Variants in MPP7 observed in about 807,000 individuals in gnomAD.
MPP7 encodes MAGUK p55 scaffold protein 7.
MPP7 carries 60 observed loss-of-function variants against 76.5 expected under a neutral mutation model. That is an observed-to-expected ratio of 0.78 (90% CI 0.64 to 0.97). MPP7 has a LOEUF of 0.97. MPP7 is among the 50% of genes least tolerant of loss of function. The probability of loss-of-function intolerance (pLI) is 0.00; values close to 1 mark genes in which losing one functional copy is unlikely to be tolerated. For synonymous variants in MPP7, 237 were observed against 244.5 expected, an observed-to-expected ratio of 0.97 and a Z score of 0.29; for missense variants, 641 against 694.0, an observed-to-expected ratio of 0.92 and a Z score of 0.86.
chr10:28,134,722 T>C lies in MPP7; in HGVS notation c.316-3031A>G, dbSNP rs571506664. Among the ~76,000 whole-genome samples, 5 of 152,148 alleles carry C rather than the reference T, an allele frequency of 3.3e-5. No homozygotes were observed. In the South Asian group the frequency reaches 8.3e-4, roughly 25 times the overall value. On this transcript the variant is annotated intron_variant, in intron 5 of 16. Coordinates refer to ENST00000683449, the MANE Select transcript of MPP7 (RefSeq NM_001318170.2). ...ACAAGGAAAGATAAAAAGAAACCTA[T>C]GCTTAATACATCACAGCAGAAATAC... is the stretch of plus-strand genomic sequence containing the variant.
intron 5 of MPP7, among the ~76,000 whole-genome samples, chr10:28,142,937 T>C (rs1357990549): frequency 6.6e-6 from 1 of 152,180 alleles, no homozygotes. Flanking sequence ...CTAATTAAAG[T>C]ATATTTTGAC....
intron 8 of MPP7, among the ~76,000 whole-genome samples, chr10:28,121,411 G>GA (rs1157262559): frequency 7.5e-5 from 11 of 145,890 alleles, no homozygotes; most frequent in East Asian, 2.0e-4. Context: ...ATGCCCATCA[G>GA]AAAAAAAAAA....
At chr10:28,244,192 A>G (rs1283062221) in intron 1 of MPP7, among the ~76,000 whole-genome samples, 1 of 152,192 alleles carries the variant, frequency 6.6e-6, no homozygotes, top group African/African-American at 2.4e-5. Context: ...ATATCCTTAC[A>G]TCCTATCTGC....
chr10:28,082,768 CTCTT>C (rs1407097121), intron 12 of MPP7, among the ~76,000 whole-genome samples: 2 of 152,080 alleles, frequency 1.3e-5, no homozygotes, highest in Non-Finnish European at 2.9e-5. Flanking sequence ...TGCGCTCAGT[CTCTT>C]TTTTTATTTT....
intron 2 of MPP7, among the ~76,000 whole-genome samples, chr10:28,312,226 AT>A (rs1463617262): frequency 6.6e-6 from 1 of 152,072 alleles, no homozygotes; most frequent in Non-Finnish European, 1.5e-5. Flanking sequence ...TTTCTGTCCT[AT>A]CAGAGTGCCC....
intron 3 of MPP7, among the ~76,000 whole-genome samples, chr10:28,164,839 A>G (rs1836392647): frequency 6.6e-6 from 1 of 152,164 alleles, no homozygotes; most frequent in Non-Finnish European, 1.5e-5. Flanking sequence ...AGAATAAGAA[A>G]TTACTTAATG....
At chr10:28,106,465 T>C (rs1042732013) in intron 11 of MPP7, among the ~76,000 whole-genome samples, 1 of 152,220 alleles carries the variant, frequency 6.6e-6, no homozygotes, top group East Asian at 1.9e-4. Flanking sequence ...GTTGATTATA[T>C]TGGGGGCTGT....
rs75543027 is a variant in MPP7 at position 28,316,815 on chromosome 10, G to A, written c.-132+13114C>T. Among the ~76,000 whole-genome samples the A allele has an allele frequency of 6.2e-4, 95 of 152,230 alleles. 3 individuals are homozygous for A. In the East Asian group the frequency reaches 9.8e-3, roughly 16 times the overall value. On this transcript the variant is annotated intron_variant, in intron 2 of 11. Transcript: ENST00000441595. Reference sequence around the variant, plus strand: ...TTTCAGCAGCTCTTTCCTGTACGGCGCTCGCTGCCTTTAACGTGACTCAGC... The same window carrying A: ...TTTCAGCAGCTCTTTCCTGTACGGCACTCGCTGCCTTTAACGTGACTCAGC...
intron 2 of MPP7, among the ~76,000 whole-genome samples, chr10:28,221,951 T>C (rs1227959914): frequency 6.6e-6 from 1 of 152,220 alleles, no homozygotes; most frequent in African/African-American, 2.4e-5. Flanking sequence ...AATCATCTTC[T>C]AGATATGATC....
chr10:28,080,998 T>C (rs559014879), intron 12 of MPP7, among the ~76,000 whole-genome samples: 2 of 152,344 alleles, frequency 1.3e-5, no homozygotes, highest in South Asian at 2.1e-4. Flanking sequence ...GCCACAGTTT[T>C]ATGAAAAAAT....
At chr10:28,240,186 A>T (rs1306070324) in intron 1 of MPP7, among the ~76,000 whole-genome samples, 2 of 152,170 alleles carry the variant, frequency 1.3e-5, no homozygotes, top group East Asian at 3.8e-4. Flanking sequence ...CTATAAAGCA[A>T]ATTCAGTAAT....
At chr10:28,126,626 A>G (rs577863693) in intron 6 of MPP7, among the ~76,000 whole-genome samples, 4 of 152,360 alleles carry the variant, frequency 2.6e-5, no homozygotes, top group African/African-American at 4.8e-5. Context: ...CCTTTCGTTC[A>G]TAAGTTCATT....
intron 3 of MPP7, among the ~76,000 whole-genome samples, chr10:28,186,621 T>C (rs1837246083): frequency 1.3e-5 from 2 of 152,224 alleles, no homozygotes. Context: ...AGGACCACAC[T>C]GCACTGCCCA....
chr10:28,129,161 A>G (rs1835113559), intron 6 of MPP7, among the ~76,000 whole-genome samples: 1 of 152,168 alleles, frequency 6.6e-6, no homozygotes, highest in Admixed American at 6.6e-5. Context: ...CCAGTGCAAT[A>G]TATTTCCATG....
chr10:28,163,512 T>C (rs927118788), intron 3 of MPP7, among the ~76,000 whole-genome samples: 1 of 152,180 alleles, frequency 6.6e-6, no homozygotes, highest in South Asian at 2.1e-4. Context: ...TGGTTTATCA[T>C]GTTCACACCT....
chr10:28,179,528 T>C (rs1295145363), intron 3 of MPP7, among the ~76,000 whole-genome samples: 1 of 152,204 alleles, frequency 6.6e-6, no homozygotes, highest in African/African-American at 2.4e-5. Context: ...TTAATAATAA[T>C]AAATACCTCT....
intron 3 of MPP7, among the ~76,000 whole-genome samples, chr10:28,190,576 T>A (rs1264167251): frequency 2.0e-5 from 3 of 152,082 alleles, no homozygotes; most frequent in African/African-American, 7.2e-5. Flanking sequence ...AAATAACACA[T>A]GGGTCAAAGA....
At chr10:28,304,612 A>G (rs7083308), upstream of MPP7, among the ~76,000 whole-genome samples, 1 of 152,240 alleles carries the variant, frequency 6.6e-6, no homozygotes, top group African/African-American at 2.4e-5. Context: ...TCTAAACTGT[A>G]GTCTAAAAAT....
chr10:28,257,745 TAAAA>T (rs66568214), intron 1 of MPP7, among the ~76,000 whole-genome samples: 1 of 142,068 alleles, frequency 7.0e-6, no homozygotes. Flanking sequence ...TAAAGTATAA[TAAAA>T]AAAAAAAAAA....
Sources: gnomAD v4.1 joint callset for allele counts (sites outside exome capture counted in the v4.1 genomes callset) on GRCh38, gnomAD v4.1.1 for gene constraint, MANE v1.5 for transcripts, NCBI Gene and HGNC (gene_info 2026-07-23, HGNC 2026-07-21) for gene names.